R3HCC1L: variants seen among roughly 807,000 people sequenced by gnomAD.
R3HCC1L encodes R3H domain and coiled-coil containing 1 like, also known as coiled-coil domain-containing protein R3HCC1L.
A neutral mutation model predicts 59.9 loss-of-function variants in R3HCC1L; 51 were observed. That is an observed-to-expected ratio of 0.85 (90% CI 0.68 to 1.07). The LOEUF (loss-of-function observed/expected upper bound fraction) is 1.07, where lower values mean the gene tolerates loss of function less well. Ranked by LOEUF, R3HCC1L falls within the 50% of genes least tolerant of loss-of-function variation. The probability of loss-of-function intolerance (pLI) is 0.00; values close to 1 mark genes in which losing one functional copy is unlikely to be tolerated. For synonymous variants in R3HCC1L, 322 were observed against 315.2 expected, an observed-to-expected ratio of 1.02 and a Z score of -0.23; for missense variants, 965 against 933.0, an observed-to-expected ratio of 1.03 and a Z score of -0.45.
intron 1 of R3HCC1L, among the ~76,000 whole-genome samples, chr10:98,155,152 A>T (rs1590441394): frequency 6.6e-6 from 1 of 152,208 alleles, no homozygotes; most frequent in East Asian, 1.9e-4. Context: ...AATGTTTTTA[A>T]TCTGTCTCTG....
At chr10:98,171,298 C>T (rs539865164) in intron 4 of R3HCC1L, among the ~76,000 whole-genome samples, 7 of 152,256 alleles carry the variant, frequency 4.6e-5, no homozygotes, top group Admixed American at 6.5e-5. Flanking sequence ...CAATCCCTTT[C>T]GGTAAGTCTA....
At chr10:98,166,518 T>G (rs1319599635) in intron 4 of R3HCC1L, among the ~76,000 whole-genome samples, 1 of 152,172 alleles carries the variant, frequency 6.6e-6, no homozygotes, top group Non-Finnish European at 1.5e-5. Context: ...AACTTCTAAA[T>G]CTGTTTCTAA....
At chr10:98,203,733 T>C (rs117021647) in intron 4 of R3HCC1L, among the ~76,000 whole-genome samples, 55 of 152,338 alleles carry the variant, frequency 3.6e-4, no homozygotes, top group Non-Finnish European at 6.2e-4. Context: ...GCTTGTTCAA[T>C]TTCTCATGAA....
intron 5 of R3HCC1L, among the ~76,000 whole-genome samples, chr10:98,216,748 A>G (rs1854254409): frequency 6.6e-6 from 1 of 151,956 alleles, no homozygotes; most frequent in Non-Finnish European, 1.5e-5. Flanking sequence ...AATTTTTAAA[A>G]AATTTATTTT....
At chr10:98,165,712 C>A (rs1847879871) in intron 4 of R3HCC1L, among the ~76,000 whole-genome samples, 1 of 152,174 alleles carries the variant, frequency 6.6e-6, no homozygotes, top group African/African-American at 2.4e-5. Context: ...CTACAATGAA[C>A]CTTTGGCTGT....
intron 5 of R3HCC1L, among the ~76,000 whole-genome samples, chr10:98,211,005 G>A (rs1331950119): frequency 6.6e-6 from 1 of 152,170 alleles, no homozygotes; most frequent in Non-Finnish European, 1.5e-5. Flanking sequence ...TGTTTGCACA[G>A]AAAGAATTTC....
At chr10:98,243,437 T>C (rs762668972) in intron 9 of R3HCC1L, among the ~76,000 whole-genome samples, 1 of 152,232 alleles carries the variant, frequency 6.6e-6, no homozygotes, top group Non-Finnish European at 1.5e-5. Flanking sequence ...GAAAGTGTTA[T>C]GGAGAACCAA....
chr10:98,204,376 C>G (rs368918371), intron 4 of R3HCC1L, among the ~76,000 whole-genome samples: 54 of 152,002 alleles, frequency 3.6e-4, no homozygotes, highest in African/African-American at 1.1e-3. Flanking sequence ...TTGCACTCCA[C>G]CCTGGGCAAC....
chr10:98,216,567 C>G (rs138824193), intron 5 of R3HCC1L, among the ~76,000 whole-genome samples: 1 of 151,798 alleles, frequency 6.6e-6, no homozygotes, highest in South Asian at 2.1e-4. Flanking sequence ...TTTTTTTGTT[C>G]GTCTGTTTTT....
rs371262316 is a variant in R3HCC1L at position 98,218,820 on chromosome 10, A to G, written c.1785+8921A>G. ...TATTGGAGTCTATTTCTTCCTTTAG[A>G]TCTAATAGTATTTTCTTTATATATC... On this transcript the variant is annotated intron_variant, in intron 5 of 9. Coordinates refer to ENST00000298999, the MANE Select transcript of R3HCC1L (RefSeq NM_001351015.2). Among the ~76,000 whole-genome samples, 8 of 152,264 alleles carry G rather than the reference A, an allele frequency of 5.3e-5. No homozygotes were observed. The South Asian group carries it at 1.0e-3, about 20-fold the overall frequency.
At chr10:98,199,717 A>G (rs891682061) in intron 4 of R3HCC1L, among the ~76,000 whole-genome samples, 4 of 151,858 alleles carry the variant, frequency 2.6e-5, no homozygotes, top group African/African-American at 9.7e-5. Context: ...TGGAGACAAG[A>G]TTTATTAGTT....
chr10:98,242,636 C>G (rs1857658510), intron 9 of R3HCC1L, among the ~76,000 whole-genome samples: 1 of 152,160 alleles, frequency 6.6e-6, no homozygotes, highest in African/African-American at 2.4e-5. Flanking sequence ...TTTTCTACTG[C>G]TCTCGAATCT....
chr10:98,225,841 T>C (rs779894857), intron 5 of R3HCC1L, among the ~76,000 whole-genome samples: 1 of 152,116 alleles, frequency 6.6e-6, no homozygotes, highest in African/African-American at 2.4e-5. Flanking sequence ...TCCTTCCTTT[T>C]TGTAACTTTT....
chr10:98,177,525 T>C (rs1045388586), intron 4 of R3HCC1L, among the ~76,000 whole-genome samples: 10 of 152,270 alleles, frequency 6.6e-5, no homozygotes, highest in African/African-American at 2.4e-4. Flanking sequence ...GCATGATTTA[T>C]AATCCTTTGG....
chr10:98,152,174 C>T (rs955573364), intron 1 of R3HCC1L, among the ~76,000 whole-genome samples: 2 of 152,246 alleles, frequency 1.3e-5, no homozygotes, highest in African/African-American at 4.8e-5. Flanking sequence ...GGGCTGGTCT[C>T]CAGCTCCTAA....
intron 2 of R3HCC1L, among the ~76,000 whole-genome samples, chr10:98,159,786 C>G (rs1847223212): frequency 6.6e-6 from 1 of 152,158 alleles, no homozygotes; most frequent in African/African-American, 2.4e-5. Flanking sequence ...GTTCCCAGCC[C>G]CAGCCTTGGA....
At chr10:98,199,527 G>GATAAA (rs1409794552) in intron 4 of R3HCC1L, among the ~76,000 whole-genome samples, 1 of 151,780 alleles carries the variant, frequency 6.6e-6, no homozygotes, top group Non-Finnish European at 1.5e-5. Context: ...ATAAAAAGAT[G>GATAAA]ATAATTCTTT....
intron 4 of R3HCC1L, among the ~76,000 whole-genome samples, chr10:98,164,934 T>C (rs1847786835): frequency 6.6e-6 from 1 of 152,218 alleles, no homozygotes; most frequent in Non-Finnish European, 1.5e-5. Flanking sequence ...ATTTCACCTT[T>C]CCTTTCAAGG....
intron 1 of R3HCC1L, among the ~76,000 whole-genome samples, chr10:98,136,561 C>T: frequency 6.6e-6 from 1 of 152,102 alleles, no homozygotes; most frequent in East Asian, 1.9e-4. Context: ...TGTGTCCAGA[C>T]GCGGTGCCTC....
Sources: gnomAD v4.1 joint callset for allele counts (sites outside exome capture counted in the v4.1 genomes callset) on GRCh38, gnomAD v4.1.1 for gene constraint, MANE v1.5 for transcripts, NCBI Gene and HGNC (gene_info 2026-07-23, HGNC 2026-07-21) for gene names.